The following XRCC4 variants were observed in gnomAD, a reference collection of about 807,000 sequenced individuals.
XRCC4 encodes the protein X-ray repair cross complementing 4, also known as DNA repair protein XRCC4.
A neutral mutation model predicts 39.1 loss-of-function variants in XRCC4; 28 were observed. The observed-to-expected ratio is 0.72, with a 90% CI of 0.53 to 0.98. XRCC4 has a LOEUF of 0.98. Ranked by LOEUF, XRCC4 falls within the 50% of genes least tolerant of loss-of-function variation. XRCC4 has a pLI of 0.00. For missense variants in XRCC4, 350 were observed against 376.4 expected (o/e 0.93, Z 0.58); for synonymous variants, 123 against 126.4 (o/e 0.97, Z 0.18).
chr5:83,089,322 G>T (rs1745316523), intron 1 of XRCC4, among the ~76,000 whole-genome samples: 1 of 152,204 alleles, frequency 6.6e-6, no homozygotes, highest in African/African-American at 2.4e-5. Flanking sequence ...ATGTAATTCA[G>T]CTCCAGGCCC....
chr5:83,323,382 A>G (rs908022723), intron 7 of XRCC4, among the ~76,000 whole-genome samples: 5 of 152,126 alleles, frequency 3.3e-5, no homozygotes, highest in African/African-American at 1.2e-4. Context: ...ATATTACAGC[A>G]TTACAAATGA....
At chr5:83,235,226 T>A (rs1034520471) in intron 6 of XRCC4, among the ~76,000 whole-genome samples, 2 of 150,736 alleles carry the variant, frequency 1.3e-5, no homozygotes, top group Admixed American at 6.6e-5. Flanking sequence ...TCCCAGCTAC[T>A]TGGGAGTCTA....
At chr5:83,320,210 G>T (rs1297576598) in intron 7 of XRCC4, among the ~76,000 whole-genome samples, 2 of 122,276 alleles carry the variant, frequency 1.6e-5, no homozygotes, top group African/African-American at 3.1e-5. Flanking sequence ...ACTGTTGTGG[G>T]GTCGGGGGAG....
intron 6 of XRCC4, among the ~76,000 whole-genome samples, chr5:83,230,705 C>A (rs1396586518): frequency 6.6e-6 from 1 of 151,828 alleles, no homozygotes; most frequent in Admixed American, 6.6e-5. Context: ...GGTCCCTTGG[C>A]AACTCAGAAT....
intron 3 of XRCC4, among the ~76,000 whole-genome samples, chr5:83,127,879 AC>A (rs1747350535): frequency 1.1e-5 from 1 of 88,544 alleles, no homozygotes; most frequent in African/African-American, 5.4e-5. Context: ...TTCTAAGTTG[AC>A]TTTTTTTTTT....
chr5:83,227,761 A>T (rs1174596989), intron 6 of XRCC4, among the ~76,000 whole-genome samples: 2 of 152,040 alleles, frequency 1.3e-5, no homozygotes, highest in African/African-American at 4.8e-5. Context: ...TTCTTTTTCT[A>T]TTCTGTTCTA....
chr5:83,196,027 A>G, intron 4 of XRCC4, 91 bp downstream of exon 4: 1 of 1,326,558 alleles, frequency 7.5e-7, no homozygotes, highest in Non-Finnish European at 1.0e-6. Flanking sequence ...TTTCCAATAT[A>G]TGTGGATTAG....
chr5:83,223,536 A>G (rs898812481), intron 6 of XRCC4, among the ~76,000 whole-genome samples: 3 of 150,660 alleles, frequency 2.0e-5, no homozygotes, highest in African/African-American at 7.3e-5. Context: ...TGATATAAGT[A>G]TAGCTACTTT....
intron 1 of XRCC4, among the ~76,000 whole-genome samples, chr5:83,097,316 G>T (rs1321162033): frequency 6.7e-6 from 1 of 149,276 alleles, no homozygotes; most frequent in Non-Finnish European, 1.5e-5. Context: ...AAATAGTTTT[G>T]TATTGCTGAA....
At chr5:83,269,153 A>G (rs774256543) in intron 7 of XRCC4, among the ~76,000 whole-genome samples, 7 of 152,146 alleles carry the variant, frequency 4.6e-5, no homozygotes, top group African/African-American at 7.2e-5. Flanking sequence ...ATACACCAAT[A>G]ACTTCCAGAA....
chr5:83,335,657 C>A (rs1580525366), intron 7 of XRCC4, among the ~76,000 whole-genome samples: 1 of 151,908 alleles, frequency 6.6e-6, no homozygotes, highest in East Asian at 1.9e-4. Context: ...GAGGCTAGCA[C>A]AATGCCTGAC....
intron 7 of XRCC4, among the ~76,000 whole-genome samples, chr5:83,309,321 A>ATATATATATATATATATATG (rs1175986160): frequency 7.9e-6 from 1 of 127,104 alleles, no homozygotes; most frequent in African/African-American, 2.8e-5. Context: ...ATATATATAT[A>ATATATATATATATATATATG]GGCTATGCTG....
chr5:83,155,222 T>C (rs1406068304), intron 3 of XRCC4, among the ~76,000 whole-genome samples: 1 of 152,128 alleles, frequency 6.6e-6, no homozygotes, highest in Non-Finnish European at 1.5e-5. Flanking sequence ...AATACACTCA[T>C]ATCATGAGTG....
chr5:83,111,353 C>A, intron 3 of XRCC4, 150 bp downstream of exon 3: 1 of 513,684 alleles, frequency 1.9e-6, no homozygotes, highest in Non-Finnish European at 3.2e-6. Flanking sequence ...TAGAAGAATA[C>A]TTCAAAGCTA....
At chr5:83,175,280 A>G (rs1749901418) in intron 3 of XRCC4, among the ~76,000 whole-genome samples, 1 of 152,208 alleles carries the variant, frequency 6.6e-6, no homozygotes, top group South Asian at 2.1e-4. Flanking sequence ...ATTATGGTAT[A>G]ATTTTTAAAC....
chr5:83,119,977 A>G (rs538383500), intron 3 of XRCC4, among the ~76,000 whole-genome samples: 1 of 149,166 alleles, frequency 6.7e-6, no homozygotes, highest in East Asian at 2.0e-4. Context: ...GGTGACAGAG[A>G]CAGAGTGAGA....
chr5:83,194,460 C>A lies in XRCC4; in HGVS notation c.316-1310C>A, dbSNP rs13357597. On this transcript the variant is annotated intron_variant, in intron 3 of 7. Transcript: ENST00000396027. ...ACGAATGCAGTTTCACAGTGGATGTCTAAGTGAAGTCTGCTTTTATTTGTA... is the reference window on the plus strand; with the variant it reads ...ACGAATGCAGTTTCACAGTGGATGTATAAGTGAAGTCTGCTTTTATTTGTA... Among the ~76,000 whole-genome samples, 107 of 152,220 alleles carry A rather than the reference C, an allele frequency of 7.0e-4. 1 individual carries two copies. The highest frequency in any genetic ancestry group is 2.4e-3 in the African/African-American group (100 of 41,522).
the XRCC4 span, among the ~76,000 whole-genome samples, chr5:83,363,369 G>A: frequency 6.6e-6 from 1 of 152,076 alleles, no homozygotes; most frequent in Non-Finnish European, 1.5e-5. Flanking sequence ...TTGGCAATAA[G>A]AATTTACATT....
chr5:83,137,700 A>G (rs1333781999), intron 3 of XRCC4, among the ~76,000 whole-genome samples: 1 of 152,180 alleles, frequency 6.6e-6, no homozygotes, highest in Non-Finnish European at 1.5e-5. Flanking sequence ...TAGAAATAGT[A>G]CTAGTACTGG....
Sources: gnomAD v4.1 joint callset for allele counts (sites outside exome capture counted in the v4.1 genomes callset) on GRCh38, gnomAD v4.1.1 for gene constraint, MANE v1.5 for transcripts, NCBI Gene and HGNC (gene_info 2026-07-23, HGNC 2026-07-21) for gene names.